The following LRSAM1 variants were observed in gnomAD, a reference collection of about 807,000 sequenced individuals.
The protein encoded by LRSAM1 is E3 ubiquitin-protein ligase LRSAM1.
Under a neutral mutation model 118.1 loss-of-function variants are expected in LRSAM1, and 96 were observed. That is an observed-to-expected ratio of 0.81 (90% CI 0.69 to 0.96). LRSAM1 has a LOEUF of 0.96. Ranked by LOEUF, LRSAM1 falls within the 40% of genes least tolerant of loss-of-function variation. The pLI is 0.00. For missense variants in LRSAM1, 804 were observed against 915.5 expected (o/e 0.88, Z 1.57); for synonymous variants, 322 against 364.2 (o/e 0.88, Z 1.32).
At chr9:127,481,473 C>T (rs1835537652) in intron 15 of LRSAM1, among the ~76,000 whole-genome samples, 1 of 152,032 alleles carries the variant, frequency 6.6e-6, no homozygotes. Context: ...TGGTTTCGAT[C>T]TCCTGACCTC....
intron 11 of LRSAM1, 30 bp downstream of exon 11, chr9:127,473,961 CAT>C (rs1835266864): frequency 1.2e-6 from 2 of 1,613,724 alleles, no homozygotes; most frequent in Non-Finnish European, 1.7e-6. Context: ...TGCACGCATA[CAT>C]GTGTGTGTGT....
chr9:127,492,675 A>G (rs761696500), intron 20 of LRSAM1, 127 bp from the exon 21 acceptor site: 21 of 833,944 alleles, frequency 2.5e-5, no homozygotes, highest in Non-Finnish European at 3.9e-5. Flanking sequence ...TTGTCCCCCA[A>G]CGCAGCCTGG....
intron 14 of LRSAM1, among the ~76,000 whole-genome samples, chr9:127,480,761 C>G (rs1390526814): frequency 6.6e-6 from 1 of 152,182 alleles, no homozygotes; most frequent in African/African-American, 2.4e-5. Context: ...GCTCTCGGCT[C>G]ACTGCAACCT....
intron 9 of LRSAM1, among the ~76,000 whole-genome samples, chr9:127,467,130 G>T (rs546480778): frequency 1.4e-4 from 22 of 152,278 alleles, no homozygotes; most frequent in Admixed American, 1.4e-3. Context: ...AATTCTCTTG[G>T]CCCTGAGGAA....
At chr9:127,463,600 G>A (rs1039290165) in intron 9 of LRSAM1, among the ~76,000 whole-genome samples, 2 of 152,042 alleles carry the variant, frequency 1.3e-5, no homozygotes, top group Non-Finnish European at 2.9e-5. Flanking sequence ...CATTGGATTA[G>A]GGCCCAGCCT....
chr9:127,479,302 T>A (rs1376973872), intron 12 of LRSAM1, 81 bp from the exon 13 acceptor site: 35 of 1,603,388 alleles, frequency 2.2e-5, no homozygotes, highest in Non-Finnish European at 3.0e-5. Flanking sequence ...CTGTCAGTGT[T>A]GAGGGGTGGA....
At position 127,487,774 on chromosome 9, in the gene LRSAM1, G is replaced by T. The variant is rs528107662; in HGVS notation, c.1347+11G>T. 6.2e-7 allele frequency: 1 copy of T among 1,609,702 alleles called. No individual in the cohort carries two copies. Among genetic ancestry groups the T allele is most frequent in the Non-Finnish European group, 8.5e-7 (1 of 1,177,754 alleles). On this transcript the variant is annotated intron_variant, in intron 18 of 25. Coordinates refer to ENST00000300417, the MANE Select transcript of LRSAM1 (RefSeq NM_001005373.4). ...CAGATCCTGCAGGAGGTGAGCCCTC[G>T]CCCAGAGCCTGAGGGTGGGAGCTCA...
In LRSAM1 at chr9:127,481,225, AAG is replaced by A; in HGVS notation, c.1087_1088del (p.Arg363AsnfsTer15). The stretch of plus-strand genomic sequence containing the variant: ...AGATTTTGAAATCGCTGGAAAATGA[AAG>A]GTAAGTGTTCTTCCAGGGGAGGGCA... Reference protein sequence around the residue: ...SEILKSLENERIRMEQLMSIT... With the variant: ...SEILKSLENEXIRMEQLMSIT... On this transcript the variant is annotated frameshift_variant and splice_region_variant, in exon 15 of 26. Coordinates refer to ENST00000300417, the MANE Select transcript of LRSAM1 (RefSeq NM_001005373.4). LOFTEE classifies it high-confidence loss of function. The A allele has an allele frequency of 6.2e-7, 1 of 1,613,526 alleles. No homozygotes were observed. The highest frequency in any genetic ancestry group is 8.5e-7 in the Non-Finnish European group (1 of 1,179,938).
At chr9:127,461,516 C>T (rs570473685) in intron 8 of LRSAM1, among the ~76,000 whole-genome samples, 27 of 152,332 alleles carry the variant, frequency 1.8e-4, no homozygotes, top group African/African-American at 6.5e-4. Context: ...CCCCGAGCCT[C>T]AGTCACTCAT....
rs540290117 is a variant in LRSAM1 at position 127,469,772 on chromosome 9, A to G, written c.619+1942A>G. On this transcript the variant is annotated intron_variant, in intron 10 of 25. Transcript: ENST00000300417. ...ACGTCAGAAGATTGAGACCATCCTG[A>G]CTAACACAGTGAAACCCTGTCTCTA... Among the ~76,000 whole-genome samples, 4 of 152,244 alleles carry G rather than the reference A, an allele frequency of 2.6e-5. No homozygotes were observed. In the East Asian group the frequency reaches 5.8e-4, roughly 22 times the overall value.
Position 127,489,517 on chromosome 9 carries a change from A to C in LRSAM1, c.1421A>C (p.Gln474Pro). 1 of 1,607,174 alleles carries C rather than the reference A, an allele frequency of 6.2e-7. No homozygotes were observed. The highest frequency in any genetic ancestry group is 8.5e-7 in the Non-Finnish European group (1 of 1,177,764). Reference protein sequence around the residue: ...KDLMHRQIRSQIKLIETELLQ... With the variant: ...KDLMHRQIRSPIKLIETELLQ... ...CTGATGCATCGGCAGATCAGGAGCC[A>C]GGTGAGCGCTGGGGCTGGGGTCCCT... Residue 474 changes from glutamine to proline, a missense_variant and splice_region_variant, in exon 19 of 26, where the codon CAG (glutamine) becomes CCG (proline). By Grantham distance (76) the Gln-to-Pro change is moderately conservative (BLOSUM62 -1). Coordinates refer to ENST00000300417, the MANE Select transcript of LRSAM1 (RefSeq NM_001005373.4).
At chr9:127,471,782 A>G (rs1835179167) in intron 10 of LRSAM1, among the ~76,000 whole-genome samples, 1 of 151,590 alleles carries the variant, frequency 6.6e-6, no homozygotes. Flanking sequence ...GCAAGACTCC[A>G]TCTCAAAAAA....
chr9:127,451,509 T>A (rs1220793687), upstream of LRSAM1: 2 of 667,848 alleles, frequency 3.0e-6, no homozygotes, highest in Non-Finnish European at 5.0e-6. Flanking sequence ...TCGCCATGTT[T>A]GTTGTGGGCA....
At chr9:127,458,503 C>G (rs1834613725) in intron 6 of LRSAM1, among the ~76,000 whole-genome samples, 1 of 152,108 alleles carries the variant, frequency 6.6e-6, no homozygotes, top group Non-Finnish European at 1.5e-5. Flanking sequence ...TCACTTGAAC[C>G]CAGGAGGTGG....
At chr9:127,473,747 G>A (rs1237552524) in intron 10 of LRSAM1, 54 bp from the exon 11 acceptor site, 2 of 1,613,314 alleles carry the variant, frequency 1.2e-6, no homozygotes, top group African/African-American at 2.7e-5. Context: ...GGGTGTCTCT[G>A]GGTACCTCAG....
intron 18 of LRSAM1, among the ~76,000 whole-genome samples, chr9:127,488,581 C>CT (rs960040215): frequency 1.4e-5 from 2 of 144,482 alleles, no homozygotes; most frequent in African/African-American, 5.2e-5. Context: ...TTTTATTTTC[C>CT]TTTTTTTCTT....
chr9:127,475,533 T>C (rs1259062281), intron 11 of LRSAM1, among the ~76,000 whole-genome samples: 1 of 152,052 alleles, frequency 6.6e-6, no homozygotes, highest in East Asian at 1.9e-4. Flanking sequence ...ATGCCAACTT[T>C]GCTGGTAATC....
chr9:127,464,970 T>TA (rs1186899309), intron 9 of LRSAM1, among the ~76,000 whole-genome samples: 2 of 151,852 alleles, frequency 1.3e-5, no homozygotes, highest in Non-Finnish European at 2.9e-5. Context: ...TTGATTCCTT[T>TA]AAAAAAAATC....
chr9:127,479,336 C>T, intron 12 of LRSAM1, 47 bp from the exon 13 acceptor site: 1 of 1,613,732 alleles, frequency 6.2e-7, no homozygotes, highest in South Asian at 1.1e-5. Flanking sequence ...TGTGTCCTAA[C>T]TCCCCCAGGG....
Sources: gnomAD v4.1 joint callset for allele counts (sites outside exome capture counted in the v4.1 genomes callset) on GRCh38, gnomAD v4.1.1 for gene constraint, MANE v1.5 for transcripts, NCBI Gene and HGNC (gene_info 2026-07-23, HGNC 2026-07-21) for gene names.